Variants in TAPT1 observed in about 807,000 individuals in gnomAD.
The protein encoded by TAPT1 is transmembrane anterior posterior transformation protein 1 homolog.
Under a neutral mutation model 65.6 loss-of-function variants are expected in TAPT1, and 28 were observed. The ratio of observed to expected loss-of-function variants is 0.43; its 90% confidence interval spans 0.32 to 0.59. The LOEUF (loss-of-function observed/expected upper bound fraction) is 0.59. Among genes scored for constraint, TAPT1 ranks in the 20% least tolerant of loss-of-function variants. TAPT1 has a pLI of 0.09. For synonymous variants in TAPT1, 278 were observed against 245.2 expected (o/e 1.13, Z -1.25); for missense variants, 563 against 679.9 (o/e 0.83, Z 1.91).
intron 13 of TAPT1, among the ~76,000 whole-genome samples, chr4:16,164,265 T>C (rs111727594): frequency 1.3e-5 from 2 of 152,304 alleles, no homozygotes; most frequent in Non-Finnish European, 2.9e-5. Context: ...TAATGACACA[T>C]CCAGCTCTCT....
intron 1 of TAPT1, 107 bp from the exon 2 acceptor site, chr4:16,214,005 T>C: frequency 1.1e-6 from 1 of 870,918 alleles, no homozygotes; most frequent in South Asian, 2.3e-5. Context: ...GAGACCAAAA[T>C]AAATGTTATC....
At chr4:16,174,337 T>C in intron 10 of TAPT1, 65 bp from the exon 11 acceptor site, 1 of 1,374,416 alleles carries the variant, frequency 7.3e-7, no homozygotes, top group Non-Finnish European at 1.0e-6. Flanking sequence ...AAAAGTACTA[T>C]TCACTTATTA....
At chr4:16,167,650 G>C (rs1413776852) in intron 12 of TAPT1, among the ~76,000 whole-genome samples, 2 of 152,204 alleles carry the variant, frequency 1.3e-5, no homozygotes, top group African/African-American at 4.8e-5. Context: ...ACCTGGGCAA[G>C]CTACTTAATC....
rs151308934 is a variant in TAPT1 at position 16,194,131 on chromosome 4, T to G, written c.450-2608A>C. 6.8e-3 allele frequency among the ~76,000 whole-genome samples: 1,042 copies of G among 152,288 alleles called. 10 individuals are homozygous for G. Among genetic ancestry groups the G allele is most frequent in the African/African-American group, 0.023 (966 of 41,552 alleles). ...ATAGTATATTTAATACAAGCCATAG[T>G]TAGAAATTAGATCTACCAAACATTG... On this transcript the variant is annotated intron_variant, in intron 3 of 13. Transcript: ENST00000405303.
At chr4:16,177,485 T>G (rs552665634) in intron 8 of TAPT1, among the ~76,000 whole-genome samples, 2 of 152,276 alleles carry the variant, frequency 1.3e-5, no homozygotes, top group South Asian at 4.1e-4. Flanking sequence ...GCTGACAGTG[T>G]AGACAGCTTC....
rs373592516 is a variant in TAPT1 at position 16,165,430 on chromosome 4, C to T, written c.1474+1203G>A. Among the ~76,000 whole-genome samples the T allele has an allele frequency of 3.9e-3, 585 of 151,780 alleles. 5 individuals are homozygous for T. The highest frequency in any genetic ancestry group is 0.026 in the South Asian group (123 of 4,782). Reference sequence around the variant, plus strand: ...CTAAAAATACAAAAAATTAGCTGGGCGTGGTGGTGGGCGCCTGTAGTCCCA... The same window carrying T: ...CTAAAAATACAAAAAATTAGCTGGGTGTGGTGGTGGGCGCCTGTAGTCCCA... On this transcript the variant is annotated intron_variant, in intron 13 of 13. Coordinates refer to ENST00000405303, the MANE Select transcript of TAPT1 (RefSeq NM_153365.3).
intron 2 of TAPT1, among the ~76,000 whole-genome samples, chr4:16,211,585 T>A (rs964268894): frequency 2.6e-5 from 4 of 152,166 alleles, no homozygotes; most frequent in Non-Finnish European, 4.4e-5. Flanking sequence ...TACATCAAAT[T>A]TTCCCAAACA....
At chr4:16,179,397 A>G in intron 8 of TAPT1, 180 bp downstream of exon 8, 1 of 483,732 alleles carries the variant, frequency 2.1e-6, no homozygotes, top group Middle Eastern at 5.6e-4. Context: ...ACCATCGTAT[A>G]TGTGGTCTAT....
chr4:16,224,154 A>G (rs1751416428), intron 1 of TAPT1, among the ~76,000 whole-genome samples: 1 of 152,174 alleles, frequency 6.6e-6, no homozygotes, highest in Non-Finnish European at 1.5e-5. Flanking sequence ...TGATTCAGGG[A>G]GAAATGCTAT....
chr4:16,178,674 C>G (rs1748505534), intron 8 of TAPT1, among the ~76,000 whole-genome samples: 1 of 152,202 alleles, frequency 6.6e-6, no homozygotes, highest in Non-Finnish European at 1.5e-5. Context: ...TGCCTAGAAA[C>G]TAGCATATGC....
At chr4:16,202,339 T>C in intron 3 of TAPT1, 123 bp downstream of exon 3, 1 of 529,576 alleles carries the variant, frequency 1.9e-6, no homozygotes, top group Non-Finnish European at 3.4e-6. Context: ...AGGTAAACAG[T>C]TTATGCATGA....
At chr4:16,176,965 A>G (rs1748373378) in intron 8 of TAPT1, among the ~76,000 whole-genome samples, 1 of 152,196 alleles carries the variant, frequency 6.6e-6, no homozygotes, top group Non-Finnish European at 1.5e-5. Flanking sequence ...CTACAATGTA[A>G]AGATATTAAT....
chr4:16,220,575 C>A (rs1751197623), intron 1 of TAPT1, among the ~76,000 whole-genome samples: 1 of 151,762 alleles, frequency 6.6e-6, no homozygotes, highest in African/African-American at 2.4e-5. Flanking sequence ...ATGGTGAAAC[C>A]CCGTCTCTAC....
chr4:16,220,168 T>A (rs144101482), intron 1 of TAPT1, among the ~76,000 whole-genome samples: 3,256 of 152,342 alleles, frequency 0.021, 48 homozygotes, highest in Middle Eastern at 0.041. Flanking sequence ...TCTGAACTTA[T>A]CTGTCCTATA....
chr4:16,220,064 C>A (rs1158297371), intron 1 of TAPT1, among the ~76,000 whole-genome samples: 1 of 152,216 alleles, frequency 6.6e-6, no homozygotes, highest in Non-Finnish European at 1.5e-5. Flanking sequence ...TCCCAGAGCG[C>A]CACTCAATCT....
intron 1 of TAPT1, among the ~76,000 whole-genome samples, chr4:16,219,335 T>C (rs995183028): frequency 1.3e-5 from 2 of 152,216 alleles, no homozygotes; most frequent in African/African-American, 4.8e-5. Flanking sequence ...CCCCTTTACC[T>C]GTGCTCCCAC....
intron 2 of TAPT1, among the ~76,000 whole-genome samples, chr4:16,204,275 T>C (rs1750212926): frequency 6.6e-6 from 1 of 152,204 alleles, no homozygotes; most frequent in South Asian, 2.1e-4. Context: ...TGAAATTTAG[T>C]TCCTTCCTAG....
chr4:16,190,014 A>T (rs1749268827), intron 4 of TAPT1: 1 of 152,324 alleles, frequency 6.6e-6, no homozygotes, highest in South Asian at 2.1e-4. Flanking sequence ...CTGTTTCACA[A>T]ACTTTGTCCC....
intron 12 of TAPT1, among the ~76,000 whole-genome samples, chr4:16,168,840 C>T (rs1747808235): frequency 6.6e-6 from 1 of 152,228 alleles, no homozygotes; most frequent in Non-Finnish European, 1.5e-5. Context: ...GCAGCTATTC[C>T]CTGAGGGGCA....
Sources: gnomAD v4.1 joint callset for allele counts (sites outside exome capture counted in the v4.1 genomes callset) on GRCh38, gnomAD v4.1.1 for gene constraint, MANE v1.5 for transcripts, NCBI Gene and HGNC (gene_info 2026-07-23, HGNC 2026-07-21) for gene names.